Variants in RUNX1T1 observed in about 807,000 individuals in gnomAD.
The protein encoded by RUNX1T1 is protein CBFA2T1.
Under a neutral mutation model 62.8 loss-of-function variants are expected in RUNX1T1, and 4 were observed. The ratio of observed to expected loss-of-function variants is 0.06; its 90% confidence interval spans 0.03 to 0.15. The LOEUF is 0.15. RUNX1T1 is among the 10% of genes least tolerant of loss of function. RUNX1T1 has a pLI of 1.00. For synonymous variants in RUNX1T1, 291 were observed against 286.0 expected (o/e 1.02, Z -0.18); for missense variants, 508 against 754.3 (o/e 0.67, Z 3.82).
intron 3 of RUNX1T1, among the ~76,000 whole-genome samples, chr8:92,013,803 A>T (rs1047293459): frequency 2.6e-5 from 4 of 152,202 alleles, no homozygotes; most frequent in African/African-American, 9.6e-5. Context: ...GGTTTCGGTA[A>T]TTCTACCTAT....
intron 1 of RUNX1T1, among the ~76,000 whole-genome samples, chr8:92,086,423 C>CA (rs1836130017): frequency 6.6e-6 from 1 of 152,176 alleles, no homozygotes; most frequent in African/African-American, 2.4e-5. Context: ...AAGAGAAACT[C>CA]AAAGAAGAGT....
intron 1 of RUNX1T1, among the ~76,000 whole-genome samples, chr8:92,081,925 G>A (rs1011418116): frequency 1.1e-4 from 17 of 151,668 alleles, no homozygotes; most frequent in African/African-American, 2.2e-4. Context: ...TCACTCTGTC[G>A]CCCAGGCTGG....
intron 1 of RUNX1T1, among the ~76,000 whole-genome samples, chr8:92,023,986 A>T (rs1409781260): frequency 6.6e-6 from 1 of 152,218 alleles, no homozygotes; most frequent in Non-Finnish European, 1.5e-5. Flanking sequence ...CACAAAAGCC[A>T]GCAACTAACA....
chr8:92,040,713 G>A (rs1282242557), intron 1 of RUNX1T1, among the ~76,000 whole-genome samples: 1 of 152,064 alleles, frequency 6.6e-6, no homozygotes, highest in Non-Finnish European at 1.5e-5. Context: ...CCTCGTCAGG[G>A]TGAAATACAA....
At chr8:92,075,560 C>T (rs1020008747) in intron 2 of RUNX1T1, among the ~76,000 whole-genome samples, 2 of 152,122 alleles carry the variant, frequency 1.3e-5, no homozygotes, top group Non-Finnish European at 2.9e-5. Flanking sequence ...CCTATTTAGT[C>T]AACAAACTGT....
chr8:92,034,701 T>C (rs1826934835), intron 1 of RUNX1T1, among the ~76,000 whole-genome samples: 1 of 151,266 alleles, frequency 6.6e-6, no homozygotes, highest in African/African-American at 2.4e-5. Flanking sequence ...TATACATGTA[T>C]ACATATATAT....
intron 10 of RUNX1T1, among the ~76,000 whole-genome samples, chr8:91,969,078 A>C (rs1812237153): frequency 6.6e-6 from 1 of 152,166 alleles, no homozygotes; most frequent in African/African-American, 2.4e-5. Context: ...AGGTCAAAAA[A>C]AAAAAGAAAA....
At chr8:91,964,144 G>C (rs1811104045) in intron 10 of RUNX1T1, among the ~76,000 whole-genome samples, 2 of 152,266 alleles carry the variant, frequency 1.3e-5, no homozygotes, top group Admixed American at 1.3e-4. Flanking sequence ...TCAATGGACT[G>C]AAGCTTTTGA....
Position 92,084,002 on chromosome 8 carries a change from G to A in RUNX1T1, c.-85-7865C>T, listed in dbSNP as rs188281975. On this transcript the variant is annotated intron_variant, in intron 1 of 11. Transcript: ENST00000265814. ...TTCTCAGCAAACTATCACAAGATCA[G>A]AAAGCCAAACAATGCATGTTCTCAC... is the stretch of plus-strand genomic sequence containing the variant. Among the ~76,000 whole-genome samples, 27 of 152,182 alleles carry A rather than the reference G, an allele frequency of 1.8e-4. No individual in the cohort carries two copies. The East Asian group carries it at 2.9e-3, about 16-fold the overall frequency.
chr8:92,039,448 T>C (rs979325558), intron 1 of RUNX1T1, among the ~76,000 whole-genome samples: 1 of 152,178 alleles, frequency 6.6e-6, no homozygotes, highest in African/African-American at 2.4e-5. Flanking sequence ...TTCTCCTCTC[T>C]TCATCTTTTC....
At chr8:91,975,768 GTTTT>G (rs538757483) in intron 9 of RUNX1T1, 133 bp downstream of exon 10, 81 of 627,674 alleles carry the variant, frequency 1.3e-4, no homozygotes, top group African/African-American at 1.1e-3. Context: ...TTGTTTAGTG[GTTTT>G]TTTTGTTTTG....
intron 1 of RUNX1T1, among the ~76,000 whole-genome samples, chr8:92,038,354 G>C (rs1827810074): frequency 1.3e-5 from 2 of 152,008 alleles, no homozygotes; most frequent in African/African-American, 2.4e-5. Flanking sequence ...CCTGAAGGCA[G>C]GATTCTAACT....
intron 5 of RUNX1T1, among the ~76,000 whole-genome samples, chr8:91,998,875 A>T (rs901404688): frequency 6.6e-6 from 1 of 152,110 alleles, no homozygotes. Flanking sequence ...ATTGTATTTC[A>T]GAGATGCATT....
intron 1 of RUNX1T1, among the ~76,000 whole-genome samples, chr8:92,022,880 T>G (rs1824392132): frequency 6.6e-6 from 1 of 152,228 alleles, no homozygotes; most frequent in Non-Finnish European, 1.5e-5. Context: ...ATATAAGCTC[T>G]TTAGCTTAGT....
At chr8:92,014,921 T>C in intron 2 of RUNX1T1, 101 bp from the exon 4 acceptor site, 3 of 1,216,294 alleles carry the variant, frequency 2.5e-6, no homozygotes, top group Non-Finnish European at 3.4e-6. Context: ...ACTAGTTTTA[T>C]AAGTTTTTAA....
intron 1 of RUNX1T1, among the ~76,000 whole-genome samples, chr8:92,025,007 G>A (rs867240555): frequency 1.4e-4 from 22 of 152,218 alleles, no homozygotes; most frequent in South Asian, 1.2e-3. Context: ...TAAGCACTCC[G>A]GAAAGGGTGA....
At chr8:92,079,439 T>A (rs1166364235) in intron 1 of RUNX1T1, among the ~76,000 whole-genome samples, 5 of 152,172 alleles carry the variant, frequency 3.3e-5, no homozygotes, top group Admixed American at 3.3e-4. Flanking sequence ...AGCAATTGTG[T>A]GTCCCTCTAA....
At chr8:92,078,136 C>A (rs1416900113) in intron 1 of RUNX1T1, among the ~76,000 whole-genome samples, 2 of 151,420 alleles carry the variant, frequency 1.3e-5, no homozygotes, top group African/African-American at 4.9e-5. Context: ...TAAAGTCACC[C>A]ATGAGGATTT....
intron 10 of RUNX1T1, among the ~76,000 whole-genome samples, chr8:91,970,158 G>C (rs560603090): frequency 2.0e-5 from 3 of 152,114 alleles, no homozygotes; most frequent in Admixed American, 6.6e-5. Context: ...AAATAATGTG[G>C]AAGTACAGAC....
Sources: gnomAD v4.1 joint callset for allele counts (sites outside exome capture counted in the v4.1 genomes callset) on GRCh38, gnomAD v4.1.1 for gene constraint, MANE v1.5 for transcripts, NCBI Gene and HGNC (gene_info 2026-07-23, HGNC 2026-07-21) for gene names.